Variants in KALRN observed in about 807,000 individuals in gnomAD.
KALRN encodes kalirin.
Under a neutral mutation model 353.7 loss-of-function variants are expected in KALRN, and 70 were observed. The ratio of observed to expected loss-of-function variants is 0.20; its 90% CI spans 0.16 to 0.24. The LOEUF (loss-of-function observed/expected upper bound fraction) is 0.24. Ranked by LOEUF, KALRN falls within the 10% of genes least tolerant of loss-of-function variation. The probability of loss-of-function intolerance (pLI) is 1.00; values close to 1 mark genes in which losing one functional copy is unlikely to be tolerated. For synonymous variants in KALRN, 1,391 were observed against 1,434.8 expected, an observed-to-expected ratio of 0.97 and a Z score of 0.69; for missense variants, 2,791 against 3,756.7, an observed-to-expected ratio of 0.74 and a Z score of 6.72.
intron 51 of KALRN, among the ~76,000 whole-genome samples, chr3:124,691,173 A>C (rs1049587129): frequency 7.2e-5 from 11 of 152,342 alleles, no homozygotes; most frequent in African/African-American, 2.6e-4. Context: ...TCATGCCTGT[A>C]ATCTCAGCAC....
At chr3:124,267,165 C>A (rs2073657369) in intron 4 of KALRN, among the ~76,000 whole-genome samples, 1 of 152,172 alleles carries the variant, frequency 6.6e-6, no homozygotes, top group South Asian at 2.1e-4. Context: ...AGAGTATAAG[C>A]TTGTTCAACA....
intron 14 of KALRN, among the ~76,000 whole-genome samples, chr3:124,414,882 T>C (rs1467810770): frequency 6.6e-6 from 1 of 152,210 alleles, no homozygotes; most frequent in Non-Finnish European, 1.5e-5. Flanking sequence ...CTGAAGGATA[T>C]GGAAATCCTG....
chr3:124,645,626 TTCTCTCTC>T (rs71145472), intron 37 of KALRN, among the ~76,000 whole-genome samples: 5,431 of 133,472 alleles, frequency 0.041, 482 homozygotes, highest in East Asian at 0.34. Context: ...TGAATAATAT[TTCTCTCTC>T]TCTCTCTCTC....
chr3:124,493,552 AC>A (rs1448294280), intron 32 of KALRN, among the ~76,000 whole-genome samples: 2 of 152,214 alleles, frequency 1.3e-5, no homozygotes, highest in African/African-American at 4.8e-5. Flanking sequence ...AAGAAAGCAT[AC>A]AAAAACTTCA....
At chr3:124,651,025 T>C (rs2083356833) in intron 38 of KALRN, 87 bp downstream of exon 38, 16 of 1,506,618 alleles carry the variant, frequency 1.1e-5, no homozygotes, top group African/African-American at 1.4e-5. Context: ...CGAGAGGGGT[T>C]CCCCACGCTG....
intron 49 of KALRN, among the ~76,000 whole-genome samples, chr3:124,676,400 C>T (rs190694649): frequency 7.9e-4 from 121 of 152,268 alleles, no homozygotes; most frequent in African/African-American, 2.8e-3. Flanking sequence ...CCACAGGGGT[C>T]AGAGTTGGTT....
chr3:124,669,943 T>C (rs2086178754), intron 47 of KALRN, among the ~76,000 whole-genome samples: 1 of 151,564 alleles, frequency 6.6e-6, no homozygotes, highest in Non-Finnish European at 1.5e-5. Context: ...ACAACCATCC[T>C]TTTTTCCCCC....
In KALRN at chr3:124,456,733, G is replaced by A. The variant is rs1456466949; in HGVS notation, c.3854+5G>A. 3 of 1,605,372 alleles carry A rather than the reference G, an allele frequency of 1.9e-6. No individual in the cohort carries two copies. Among genetic ancestry groups the A allele is most frequent in the Non-Finnish European group, 8.5e-7 (1 of 1,173,390 alleles). Reference sequence around the variant, plus strand: ...GAAGTCAGCCCGGAAGAAAGAGTACGTGTTGGCTTCCGCCCAGCTAGCTGG... The same window carrying A: ...GAAGTCAGCCCGGAAGAAAGAGTACATGTTGGCTTCCGCCCAGCTAGCTGG... On this transcript the variant is annotated splice_donor_5th_base_variant and intron_variant, in intron 23 of 59. Coordinates refer to ENST00000682506, the MANE Select transcript of KALRN (RefSeq NM_001388419.1).
chr3:124,637,988 A>C (rs1407936724), intron 37 of KALRN, among the ~76,000 whole-genome samples: 2 of 152,202 alleles, frequency 1.3e-5, no homozygotes, highest in Non-Finnish European at 2.9e-5. Flanking sequence ...ATAGCTCATT[A>C]GGATGGAGCT....
intron 1 of KALRN, among the ~76,000 whole-genome samples, chr3:124,144,434 A>G (rs921110269): frequency 1.3e-5 from 2 of 151,752 alleles, no homozygotes; most frequent in Admixed American, 1.3e-4. Flanking sequence ...GTGGGCAGCT[A>G]GCATCTCCCC....
intron 24 of KALRN, 25 bp from the exon 25 acceptor site, chr3:124,462,499 T>A: frequency 7.3e-7 from 1 of 1,364,612 alleles, no homozygotes; most frequent in Non-Finnish European, 1.0e-6. Context: ...GACTTGCCAG[T>A]GATGAAACTG....
At chr3:124,260,877 G>A (rs1047802553) in intron 3 of KALRN, among the ~76,000 whole-genome samples, 1 of 152,006 alleles carries the variant, frequency 6.6e-6, no homozygotes, top group African/African-American at 2.4e-5. Context: ...ACTCCAGAAG[G>A]GAGATCATTC....
chr3:124,632,860 T>G (rs757684630), intron 35 of KALRN, among the ~76,000 whole-genome samples, 157 bp downstream of exon 35: 1 of 152,210 alleles, frequency 6.6e-6, no homozygotes, highest in Non-Finnish European at 1.5e-5. Context: ...ATTGGCCAGT[T>G]TGATTTGTGG....
At chr3:124,493,931 AGGAGGGGGT>A (rs1366082846) in intron 32 of KALRN, among the ~76,000 whole-genome samples, 2 of 152,220 alleles carry the variant, frequency 1.3e-5, no homozygotes, top group East Asian at 3.9e-4. Context: ...AGTCCAGGTA[AGGAGGGGGT>A]GGACTAAAGT....
At chr3:124,707,394 TTTCCTTCCTTCCTTCC>T (rs368400674) in intron 57 of KALRN, among the ~76,000 whole-genome samples, 7,102 of 140,774 alleles carry the variant, frequency 0.05, 381 homozygotes, top group African/African-American at 0.14. Flanking sequence ...AGAATAGCAG[TTTCCTTCCTTCCTTCC>T]TTCCTTCCTT....
intron 33 of KALRN, among the ~76,000 whole-genome samples, chr3:124,556,224 T>C (rs2071222171): frequency 6.6e-6 from 1 of 151,998 alleles, no homozygotes; most frequent in Admixed American, 6.5e-5. Flanking sequence ...ACCAAACAGC[T>C]CCTTCAGTTG....
chr3:124,632,301 A>G (rs983228959), intron 34 of KALRN, 119 bp from the exon 35 acceptor site: 1 of 941,176 alleles, frequency 1.1e-6, no homozygotes, highest in African/African-American at 1.6e-5. Flanking sequence ...TGGGGTCTAC[A>G]GCTGGCCTGG....
intron 6 of KALRN, among the ~76,000 whole-genome samples, chr3:124,313,158 C>T (rs186951082): frequency 6.6e-6 from 1 of 152,210 alleles, no homozygotes; most frequent in Non-Finnish European, 1.5e-5. Flanking sequence ...CCAGGCGATA[C>T]ACACTAACAT....
intron 5 of KALRN, among the ~76,000 whole-genome samples, chr3:124,282,229 C>T (rs547375653): frequency 6.6e-5 from 10 of 152,032 alleles, no homozygotes; most frequent in South Asian, 2.1e-4. Flanking sequence ...GAACAATTCC[C>T]GAAGACATTT....
Sources: allele counts gnomAD v4.1 joint callset (sites outside exome capture counted in the v4.1 genomes callset), GRCh38; gene constraint gnomAD v4.1.1; transcripts MANE v1.5; gene names NCBI Gene and HGNC (gene_info 2026-07-23, HGNC 2026-07-21).